Variants in THSD4 observed in about 807,000 individuals in gnomAD.
THSD4 encodes the protein thrombospondin type-1 domain-containing protein 4.
Under a neutral mutation model 119.0 loss-of-function variants are expected in THSD4, and 69 were observed. That is an observed-to-expected ratio of 0.58 (90% CI 0.48 to 0.71). THSD4 has a LOEUF of 0.71. Ranked by LOEUF, THSD4 falls within the 30% of genes least tolerant of loss-of-function variation. The pLI, the probability that THSD4 is intolerant of heterozygous loss-of-function variation, is 0.00. For missense variants in THSD4, 1,393 were observed against 1,391.1 expected (o/e 1.00, Z -0.02); for synonymous variants, 524 against 540.4 (o/e 0.97, Z 0.42).
chr15:71,112,291 T>C, upstream of THSD4: 1 of 1,492,750 alleles, frequency 6.7e-7, no homozygotes, highest in Non-Finnish European at 9.0e-7. Flanking sequence ...ATTTATCAAC[T>C]TAACTAGGAC....
chr15:71,690,332 ATGCAGC>A lies in THSD4; in HGVS notation c.1357+29608_1357+29613del, dbSNP rs1458879642. Among the ~76,000 whole-genome samples, 3 of 152,208 alleles carry A rather than the reference ATGCAGC, an allele frequency of 2.0e-5. No individual in the cohort carries two copies. In the South Asian group the frequency reaches 6.2e-4, roughly 32 times the overall value. Reference sequence around the variant, plus strand: ...GCTGAGAATCTGGGGTCCTTGTGGCATGCAGCTGCAGCTGCCACTCCCCACCTCCTG... The same window carrying A: ...GCTGAGAATCTGGGGTCCTTGTGGCATGCAGCTGCCACTCCCCACCTCCTG... On this transcript the variant is annotated intron_variant, in intron 8 of 17. Transcript: ENST00000261862.
chr15:71,206,254 C>T (rs547865093), intron 3 of THSD4, among the ~76,000 whole-genome samples: 2 of 152,204 alleles, frequency 1.3e-5, no homozygotes, highest in Admixed American at 6.5e-5. Context: ...TCAGGTGATC[C>T]GCCCACCTCG....
chr15:71,701,149 T>G (rs1458550070), intron 8 of THSD4, among the ~76,000 whole-genome samples: 1 of 152,176 alleles, frequency 6.6e-6, no homozygotes, highest in East Asian at 1.9e-4. Context: ...TAATATTTTT[T>G]AAAGCTCCTG....
chr15:71,625,864 A>G (rs1201312512), intron 7 of THSD4, among the ~76,000 whole-genome samples: 2 of 152,182 alleles, frequency 1.3e-5, no homozygotes, highest in Non-Finnish European at 2.9e-5. Context: ...AGCAGCTGGG[A>G]TAGCACAGAC....
chr15:71,341,774 C>T, intron 6 of THSD4: 1 of 800,048 alleles, frequency 1.2e-6, no homozygotes. Context: ...CCTTTTTTCT[C>T]CTACCTCCCT....
intron 7 of THSD4, among the ~76,000 whole-genome samples, chr15:71,500,948 T>G (rs980754404): frequency 6.6e-6 from 1 of 152,238 alleles, no homozygotes; most frequent in Non-Finnish European, 1.5e-5. Flanking sequence ...AAGATCGTTT[T>G]GTCTATTCAG....
chr15:71,541,271 A>C (rs1199737658), intron 7 of THSD4, among the ~76,000 whole-genome samples: 1 of 152,248 alleles, frequency 6.6e-6, no homozygotes, highest in Non-Finnish European at 1.5e-5. Flanking sequence ...TCTTTTGCTT[A>C]TACCAAGTTT....
intron 1 of THSD4, among the ~76,000 whole-genome samples, chr15:71,131,493 A>G (rs1056123505): frequency 5.3e-5 from 8 of 152,216 alleles, no homozygotes; most frequent in African/African-American, 1.7e-4. Flanking sequence ...AATCATTTCA[A>G]AACATTATGA....
At chr15:71,129,969 T>G (rs1015193587) in intron 1 of THSD4, among the ~76,000 whole-genome samples, 1 of 152,198 alleles carries the variant, frequency 6.6e-6, no homozygotes, top group African/African-American at 2.4e-5. Flanking sequence ...GGATGTTTTC[T>G]GGATGGTCAA....
In THSD4 at chr15:71,778,797, C is replaced by A. The variant is rs1229625169; in HGVS notation, c.*1423C>A. 1 of 152,308 alleles carries A rather than the reference C, an allele frequency of 6.6e-6. No individual in the cohort carries two copies. Among genetic ancestry groups the A allele is most frequent in the Non-Finnish European group, 1.5e-5 (1 of 68,142 alleles). The allele number at this position is 152,308 out of a possible 1,614,324, so 9.4% of individuals were successfully genotyped here. On this transcript the variant is annotated 3_prime_UTR_variant, in exon 18 of 18. Coordinates refer to ENST00000261862, the MANE Select transcript of THSD4 (RefSeq NM_024817.3). ...TCCCCATCTCTTCCAATTCACTTTC[C>A]CCAACTATCCAGTTCCAGAGGCCGC...
At chr15:71,114,164 CA>C (rs1266891814), upstream of THSD4, among the ~76,000 whole-genome samples, 1 of 152,088 alleles carries the variant, frequency 6.6e-6, no homozygotes, top group African/African-American at 2.4e-5. Flanking sequence ...AGTCGGTGCT[CA>C]AAATGGTGTT....
chr15:71,609,618 C>T (rs565659038), intron 7 of THSD4, among the ~76,000 whole-genome samples: 10 of 152,120 alleles, frequency 6.6e-5, no homozygotes, highest in South Asian at 2.1e-4. Context: ...TTTGGGAGGC[C>T]GAGGCGGGCA....
At chr15:71,730,049 T>G (rs1349236685) in intron 9 of THSD4, 1 of 151,906 alleles carries the variant, frequency 6.6e-6, no homozygotes, top group Admixed American at 6.6e-5. Context: ...CAGTAGGGAG[T>G]GGCAAGAGAT....
At chr15:71,727,593 C>T (rs1325010280) in intron 8 of THSD4, among the ~76,000 whole-genome samples, 6 of 10,948 alleles carry the variant, frequency 5.5e-4, no homozygotes, top group African/African-American at 1.1e-3. Context: ...TATATACACA[C>T]ACACACACAC....
chr15:71,371,929 A>ATC (rs2046056378), intron 6 of THSD4, among the ~76,000 whole-genome samples: 1 of 152,108 alleles, frequency 6.6e-6, no homozygotes, highest in South Asian at 2.1e-4. Flanking sequence ...TCAGATGTAT[A>ATC]TCTGGTCTTT....
chr15:71,332,892 A>ATGTTTTTTTTTTTTTTTTTT, intron 6 of THSD4, among the ~76,000 whole-genome samples: 1 of 76,940 alleles, frequency 1.3e-5, no homozygotes, highest in Non-Finnish European at 2.6e-5. Context: ...ATTTTTTTAC[A>ATGTTTTTTTTTTTTTTTTTT]TTTTTTTTTT....
intron 3 of THSD4, among the ~76,000 whole-genome samples, chr15:71,174,937 G>A (rs2043432785): frequency 6.6e-6 from 1 of 151,406 alleles, no homozygotes; most frequent in Admixed American, 6.6e-5. Context: ...CTGTTTGTTA[G>A]AAGGAAAACT....
chr15:71,718,113 C>T (rs572273890), intron 8 of THSD4, among the ~76,000 whole-genome samples: 1 of 148,532 alleles, frequency 6.7e-6, no homozygotes, highest in Non-Finnish European at 1.5e-5. Context: ...CATGCCATTG[C>T]ATGCCAGCCT....
chr15:71,302,538 C>G (rs1234500378), intron 6 of THSD4, among the ~76,000 whole-genome samples: 1 of 151,826 alleles, frequency 6.6e-6, no homozygotes, highest in African/African-American at 2.4e-5. Flanking sequence ...TCCTCACATC[C>G]ACTTACTTTG....
Sources: gnomAD v4.1 joint callset for allele counts (sites outside exome capture counted in the v4.1 genomes callset) on GRCh38, gnomAD v4.1.1 for gene constraint, MANE v1.5 for transcripts, NCBI Gene and HGNC (gene_info 2026-07-23, HGNC 2026-07-21) for gene names.